The following COL6A6 variants were observed in gnomAD, a reference collection of about 807,000 sequenced individuals.
COL6A6 encodes the protein collagen type VI alpha 6 chain.
Under a neutral mutation model 208.6 loss-of-function variants are expected in COL6A6, and 183 were observed. The ratio of observed to expected loss-of-function variants is 0.88; its 90% confidence interval spans 0.78 to 0.99. The LOEUF (loss-of-function observed/expected upper bound fraction) is 0.99, where lower values mean the gene tolerates loss of function less well. COL6A6 is among the 50% of genes least tolerant of loss of function. The pLI, the probability that COL6A6 is intolerant of heterozygous loss-of-function variation, is 0.00. For missense variants in COL6A6, 2,816 were observed against 2,815.2 expected, an observed-to-expected ratio of 1.00 and a Z score of -0.01; for synonymous variants, 973 against 1,011.8, an observed-to-expected ratio of 0.96 and a Z score of 0.73.
intron 2 of COL6A6, among the ~76,000 whole-genome samples, chr3:130,560,632 A>T (rs1351922913): frequency 6.6e-6 from 1 of 152,178 alleles, no homozygotes; most frequent in Non-Finnish European, 1.5e-5. Context: ...ATTCCTTGTT[A>T]ATAATAGATA....
intron 1 of COL6A6, among the ~76,000 whole-genome samples, chr3:130,527,890 CTTTTTTTTTTT>C (rs56110472): frequency 0.019 from 1,108 of 57,958 alleles, 16 homozygotes; most frequent in Middle Eastern, 0.083. Context: ...GTTACTTTTC[CTTTTTTTTTTT>C]TTTTTTTTTT....
At position 130,574,080 on chromosome 3, in the gene COL6A6, C is replaced by T. The variant is rs2063233771; in HGVS notation, c.3102C>T (p.Leu1034=). The T allele has an allele frequency of 1.2e-6, 2 of 1,613,856 alleles. No individual in the cohort carries two copies. Among genetic ancestry groups the T allele is most frequent in the Non-Finnish European group, 1.7e-6 (2 of 1,179,898 alleles). Residue 1034 remains leucine, a synonymous_variant, in exon 8 of 37, where the codon CTC becomes CTT. Coordinates refer to ENST00000358511, the MANE Select transcript of COL6A6 (RefSeq NM_001102608.3). The part of the protein sequence containing the change: ...ASVVQDFDVS[L]NRVRIGAAQF... Reference sequence around the variant, plus strand: ...TTGTTCAAGACTTTGATGTCAGCCTCAACAGAGTGCGAATAGGAGCGGCCC... The same window carrying T: ...TTGTTCAAGACTTTGATGTCAGCCTTAACAGAGTGCGAATAGGAGCGGCCC...
intron 25 of COL6A6, among the ~76,000 whole-genome samples, chr3:130,627,076 G>A (rs1433736705): frequency 2.0e-5 from 3 of 152,136 alleles, no homozygotes; most frequent in Non-Finnish European, 4.4e-5. Context: ...CCATGAGTAG[G>A]TATAATTATT....
intron 23 of COL6A6, among the ~76,000 whole-genome samples, chr3:130,619,120 G>C (rs1037380612): frequency 6.6e-6 from 1 of 152,094 alleles, no homozygotes; most frequent in Non-Finnish European, 1.5e-5. Context: ...CCTATGATGC[G>C]CCAGAGATAT....
At chr3:130,584,676 G>A (rs2063496799) in intron 10 of COL6A6, among the ~76,000 whole-genome samples, 1 of 151,876 alleles carries the variant, frequency 6.6e-6, no homozygotes, top group Admixed American at 6.6e-5. Flanking sequence ...GTGCAGTGGT[G>A]CCATCTCGGC....
At chr3:130,665,295 CTTT>C (rs149597952) in intron 36 of COL6A6, among the ~76,000 whole-genome samples, 199 bp downstream of exon 36, 1 of 147,070 alleles carries the variant, frequency 6.8e-6, no homozygotes, top group African/African-American at 2.5e-5. Context: ...AAACAAATTG[CTTT>C]TTTTTTTAAT....
chr3:130,605,179 C>T (rs1261716609), intron 20 of COL6A6, among the ~76,000 whole-genome samples: 1 of 152,230 alleles, frequency 6.6e-6, no homozygotes, highest in African/African-American at 2.4e-5. Flanking sequence ...TCCTCTGAAA[C>T]ACCCATCTCA....
chr3:130,634,242 T>TAAAAAAAAAAAAAAAAAAA (rs202193097), intron 26 of COL6A6, among the ~76,000 whole-genome samples: 7 of 23,792 alleles, frequency 2.9e-4, no homozygotes, highest in African/African-American at 5.8e-4. Flanking sequence ...AATAAATAAA[T>TAAAAAAAAAAAAAAAAAAA]AAAAAAAAAA....
chr3:130,621,872 C>T lies in COL6A6; in HGVS notation c.4867C>T (p.Gln1623Ter). The T allele has an allele frequency of 6.2e-7, 1 of 1,613,604 alleles. No individual in the cohort carries two copies. Among genetic ancestry groups the T allele is most frequent in the East Asian group, 2.2e-5 (1 of 44,870 alleles). ...EAGNQGRLGS[Q>*]GNKGEPGDLG... ...AGGGAATCAAGGCCGTTTGGGAAGC[C>T]AAGGAAATAAAGTAGGTCACATTCT... is the stretch of plus-strand genomic sequence containing the variant. Residue 1623 changes from glutamine (Q) to a stop codon, truncating the protein, a stop_gained, in exon 24 of 37, where the codon CAA (glutamine) becomes TAA (stop). Transcript: ENST00000358511. LOFTEE classifies it high-confidence loss of function.
In COL6A6 at chr3:130,591,091, C is replaced by T. The variant is rs375056319; in HGVS notation, c.4269C>T (p.Ile1423=). ...AAGGCTACCTGGGAGAGGAGGGAAT[C>T]GCTGTAAGTCAGGGCTCTTTTTTAC... The part of the protein sequence containing the change: ...GSEGYLGEEG[I]AGERGAPGPV... The change falls in exon 13 of 37, where the codon ATC becomes ATT. Residue 1423 remains isoleucine (I), a synonymous_variant. Transcript: ENST00000358511. The T allele has an allele frequency of 8.5e-5, 135 of 1,579,626 alleles. No individual in the cohort carries two copies. Among genetic ancestry groups the T allele is most frequent in the Non-Finnish European group, 1.1e-4 (125 of 1,160,170 alleles).
intron 33 of COL6A6, among the ~76,000 whole-genome samples, chr3:130,650,478 G>A (rs1227653722): frequency 3.9e-5 from 6 of 152,018 alleles, no homozygotes; most frequent in East Asian, 1.9e-4. Context: ...AAAATTAGCC[G>A]GGCGCGATGG....
intron 36 of COL6A6, among the ~76,000 whole-genome samples, chr3:130,668,047 CA>C (rs567725706): frequency 5.7e-5 from 8 of 140,294 alleles, no homozygotes; most frequent in South Asian, 4.5e-4. Flanking sequence ...TTAAAAAGGC[CA>C]AAAAAAAAGA....
chr3:130,540,931 T>C lies in COL6A6; in HGVS notation c.-31-19403T>C, dbSNP rs370245794. On this transcript the variant is annotated intron_variant, in intron 1 of 36. Coordinates refer to ENST00000358511, the MANE Select transcript of COL6A6 (RefSeq NM_001102608.3). ...CTGATGGGCATTTGGGTTGATTCCATGTCTTTGCTATTGTGAATAGTGCTG... is the reference window on the plus strand; with the variant it reads ...CTGATGGGCATTTGGGTTGATTCCACGTCTTTGCTATTGTGAATAGTGCTG... Among the ~76,000 whole-genome samples the C allele has an allele frequency of 1.3e-3, 202 of 152,346 alleles. No homozygotes were observed. In the Middle Eastern group the frequency reaches 0.014, roughly 10 times the overall value.
At chr3:130,536,750 G>T (rs2107730462) in intron 1 of COL6A6, among the ~76,000 whole-genome samples, 1 of 152,314 alleles carries the variant, frequency 6.6e-6, no homozygotes, top group East Asian at 1.9e-4. Flanking sequence ...ATAGGGCCTA[G>T]ACCATGGAAG....
chr3:130,628,528 A>G (rs945891651), intron 26 of COL6A6, among the ~76,000 whole-genome samples: 1 of 152,186 alleles, frequency 6.6e-6, no homozygotes, highest in Non-Finnish European at 1.5e-5. Flanking sequence ...GATTTTATAC[A>G]TGTTTGAGGA....
chr3:130,625,125 C>T (rs1276082292), intron 24 of COL6A6, among the ~76,000 whole-genome samples: 1 of 152,180 alleles, frequency 6.6e-6, no homozygotes, highest in Non-Finnish European at 1.5e-5. Flanking sequence ...ATTTTCTTGA[C>T]ACATGAACCC....
At chr3:130,556,600 T>C (rs1184377296) in intron 1 of COL6A6, among the ~76,000 whole-genome samples, 2 of 152,210 alleles carry the variant, frequency 1.3e-5, no homozygotes, top group African/African-American at 4.8e-5. Flanking sequence ...TGTTCTGAGA[T>C]TTTTCTTTTC....
At chr3:130,554,225 G>A (rs1048705443) in intron 1 of COL6A6, among the ~76,000 whole-genome samples, 8 of 152,228 alleles carry the variant, frequency 5.3e-5, no homozygotes, top group African/African-American at 1.9e-4. Context: ...TTTCTTGGCT[G>A]GTATAGGGGT....
intron 5 of COL6A6, 98 bp downstream of exon 5, chr3:130,567,360 T>C (rs886802004): frequency 7.5e-6 from 7 of 929,492 alleles, no homozygotes; most frequent in Admixed American, 2.8e-5. Context: ...CATAAATTAC[T>C]AAGTTGAGAT....
Sources: gnomAD v4.1 joint callset for allele counts (sites outside exome capture counted in the v4.1 genomes callset) on GRCh38, gnomAD v4.1.1 for gene constraint, MANE v1.5 for transcripts, NCBI Gene and HGNC (gene_info 2026-07-23, HGNC 2026-07-21) for gene names.